The following GPC6 variants were observed in gnomAD, a reference collection of about 807,000 sequenced individuals.
The protein encoded by GPC6 is glypican-6.
In GPC6, 14 loss-of-function variants were observed where a neutral mutation model predicts 55.2. The ratio of observed to expected loss-of-function variants is 0.25; its 90% CI spans 0.17 to 0.40. The LOEUF (loss-of-function observed/expected upper bound fraction) is 0.40. GPC6 is among the 10% of genes least tolerant of loss of function. The pLI, the probability that GPC6 is intolerant of heterozygous loss-of-function variation, is 1.00. For missense variants in GPC6, 641 were observed against 708.5 expected (o/e 0.90, Z 1.08); for synonymous variants, 278 against 259.6 (o/e 1.07, Z -0.68).
At chr13:93,978,945 A>G (rs1285829750) in intron 3 of GPC6, among the ~76,000 whole-genome samples, 2 of 152,162 alleles carry the variant, frequency 1.3e-5, no homozygotes, top group African/African-American at 4.8e-5. Context: ...TTTAATACTG[A>G]CACCATATTG....
At chr13:94,107,326 T>A (rs1886091636) in intron 4 of GPC6, among the ~76,000 whole-genome samples, 1 of 152,180 alleles carries the variant, frequency 6.6e-6, no homozygotes, top group Non-Finnish European at 1.5e-5. Flanking sequence ...AGTCTCTGTT[T>A]TTAAAGTTAG....
intron 1 of GPC6, among the ~76,000 whole-genome samples, chr13:93,255,120 G>T (rs1876910398): frequency 6.6e-6 from 1 of 152,192 alleles, no homozygotes; most frequent in Non-Finnish European, 1.5e-5. Flanking sequence ...CCTTTCAGAA[G>T]GCAAGAGGTG....
At chr13:93,950,192 T>A (rs917753770) in intron 3 of GPC6, among the ~76,000 whole-genome samples, 26 of 152,252 alleles carry the variant, frequency 1.7e-4, no homozygotes, top group African/African-American at 6.3e-4. Flanking sequence ...ACGATAAAAA[T>A]TAAATAAATA....
chr13:94,077,717 A>G (rs912521323), intron 4 of GPC6, among the ~76,000 whole-genome samples: 1 of 151,860 alleles, frequency 6.6e-6, no homozygotes. Context: ...TTCTGCATTT[A>G]TGGAGATGAT....
intron 1 of GPC6, among the ~76,000 whole-genome samples, chr13:93,436,586 T>G (rs566127408): frequency 1.6e-4 from 24 of 152,194 alleles, no homozygotes; most frequent in Admixed American, 5.2e-4. Flanking sequence ...CACTTCTGCT[T>G]GCCCATTTAA....
chr13:93,256,048 A>T (rs1350180091), intron 1 of GPC6, among the ~76,000 whole-genome samples: 2 of 151,922 alleles, frequency 1.3e-5, no homozygotes, highest in African/African-American at 4.8e-5. Context: ...GCTGAGGTAT[A>T]AGAAATGAGA....
At chr13:93,296,344 A>T (rs1437437825) in intron 1 of GPC6, among the ~76,000 whole-genome samples, 2 of 151,920 alleles carry the variant, frequency 1.3e-5, no homozygotes, top group East Asian at 3.9e-4. Context: ...ATTTTCTCTC[A>T]GTTGGATTAT....
intron 2 of GPC6, among the ~76,000 whole-genome samples, chr13:93,720,709 A>C (rs1241115958): frequency 6.6e-6 from 1 of 152,080 alleles, no homozygotes; most frequent in East Asian, 1.9e-4. Flanking sequence ...ATTTAGTGCT[A>C]TAAATATCCC....
In GPC6 at chr13:93,381,361, G is replaced by A. The variant is rs543904795; in HGVS notation, c.160+153745G>A. Among the ~76,000 whole-genome samples the A allele has an allele frequency of 2.9e-3, 441 of 152,096 alleles. 1 individual carries two copies. The highest frequency in any genetic ancestry group is 5.0e-3 in the Non-Finnish European group (340 of 67,960). ...GGGTGGAGTTGTTTATGATGCTATC[G>A]ACTTGAGATGGACATTCTACACTTT... is the stretch of plus-strand genomic sequence containing the variant. On this transcript the variant is annotated intron_variant, in intron 1 of 8. Coordinates refer to ENST00000377047, the MANE Select transcript of GPC6 (RefSeq NM_005708.5).
intron 3 of GPC6, among the ~76,000 whole-genome samples, chr13:93,896,958 TAG>T (rs1279285243): frequency 6.6e-6 from 1 of 150,750 alleles, no homozygotes; most frequent in African/African-American, 2.4e-5. Flanking sequence ...TGAGGCTGGA[TAG>T]AATGTGGGTT....
At chr13:93,462,574 A>G (rs774683966) in intron 1 of GPC6, among the ~76,000 whole-genome samples, 1 of 151,314 alleles carries the variant, frequency 6.6e-6, no homozygotes, top group Non-Finnish European at 1.5e-5. Context: ...GAAGTTTGTC[A>G]GTGGATTCTA....
chr13:94,360,504 G>T (rs776129740), intron 6 of GPC6, among the ~76,000 whole-genome samples: 1 of 152,096 alleles, frequency 6.6e-6, no homozygotes, highest in Non-Finnish European at 1.5e-5. Flanking sequence ...TATTTGTTTG[G>T]AGGGTTCTAG....
upstream of GPC6, among the ~76,000 whole-genome samples, chr13:93,222,195 T>A (rs1210638529): frequency 3.9e-5 from 6 of 152,202 alleles, no homozygotes; most frequent in Non-Finnish European, 8.8e-5. Flanking sequence ...ATGTTAAACG[T>A]GTGACATATT....
At chr13:93,549,061 G>A (rs1193669653) in intron 2 of GPC6, among the ~76,000 whole-genome samples, 1 of 152,116 alleles carries the variant, frequency 6.6e-6, no homozygotes, top group Non-Finnish European at 1.5e-5. Flanking sequence ...CACTGCAAAA[G>A]TTCTCCCTGA....
intron 3 of GPC6, among the ~76,000 whole-genome samples, chr13:93,917,942 G>T (rs989103151): frequency 6.6e-6 from 1 of 151,902 alleles, no homozygotes. Context: ...ACTAAAAATA[G>T]AAAAATTAGC....
At chr13:93,889,563 C>A (rs1174338750) in intron 3 of GPC6, among the ~76,000 whole-genome samples, 1 of 152,108 alleles carries the variant, frequency 6.6e-6, no homozygotes, top group Non-Finnish European at 1.5e-5. Flanking sequence ...CCATTTATAG[C>A]ATGTACTAGG....
chr13:94,047,601 G>A (rs74619431), intron 4 of GPC6, among the ~76,000 whole-genome samples: 62 of 152,100 alleles, frequency 4.1e-4, no homozygotes, highest in Middle Eastern at 3.4e-3. Flanking sequence ...ATCTCCACTC[G>A]GATTTGCAAA....
At chr13:94,211,996 T>C (rs1248778131) in intron 4 of GPC6, among the ~76,000 whole-genome samples, 1 of 152,200 alleles carries the variant, frequency 6.6e-6, no homozygotes, top group Non-Finnish European at 1.5e-5. Flanking sequence ...TTAAATTCTC[T>C]CCTACACACA....
intron 4 of GPC6, among the ~76,000 whole-genome samples, chr13:94,128,974 A>C (rs1886919463): frequency 6.6e-6 from 1 of 152,126 alleles, no homozygotes; most frequent in South Asian, 2.1e-4. Flanking sequence ...AATTCACCTT[A>C]ACTTCTTTGA....
Sources: gnomAD v4.1 joint callset for allele counts (sites outside exome capture counted in the v4.1 genomes callset) on GRCh38, gnomAD v4.1.1 for gene constraint, MANE v1.5 for transcripts, NCBI Gene and HGNC (gene_info 2026-07-23, HGNC 2026-07-21) for gene names.